Variants in MSANTD7 observed in about 807,000 individuals in gnomAD.
MSANTD7 encodes the protein zinc finger and SCAN domain containing 29.
At chr10:14,845,200 C>G in the MSANTD7 span, 2 of 985,362 alleles carry the variant, frequency 2.0e-6, no homozygotes, top group Non-Finnish European at 2.4e-6. Flanking sequence ...ACATTACTCT[C>G]TGTCATTAAA....
the MSANTD7 span, chr10:14,843,517 G>A: frequency 1.3e-6 from 2 of 1,550,664 alleles, no homozygotes; most frequent in Non-Finnish European, 1.7e-6. Context: ...CACTCCTGGG[G>A]TAGCCTCCAC....
the MSANTD7 span, among the ~76,000 whole-genome samples, chr10:14,839,027 G>A: frequency 6.6e-6 from 1 of 152,196 alleles, no homozygotes; most frequent in Admixed American, 6.5e-5. Context: ...CCGGAGGGGC[G>A]GGGAGGCTGC....
chr10:14,846,647 A>G, the MSANTD7 span: 1 of 946,652 alleles, frequency 1.1e-6, no homozygotes, highest in Non-Finnish European at 1.3e-6. Flanking sequence ...TGGGAAACTC[A>G]TAATTGTCCT....
At chr10:14,846,973 G>A in the MSANTD7 span, 59 of 985,366 alleles carry the variant, frequency 6.0e-5, no homozygotes, top group East Asian at 4.9e-3. Context: ...TCCTGGTGTG[G>A]ACAAATAAAG....
chr10:14,845,295 C>G, the MSANTD7 span: 1 of 985,336 alleles, frequency 1.0e-6, no homozygotes, highest in Non-Finnish European at 1.2e-6. Context: ...TTCCAATAAT[C>G]TAGAAGTTGG....
the MSANTD7 span, among the ~76,000 whole-genome samples, chr10:14,841,470 C>T: frequency 2.6e-5 from 4 of 152,126 alleles, no homozygotes; most frequent in African/African-American, 9.7e-5. Flanking sequence ...AAACACATTG[C>T]TGGATTCACC....
At chr10:14,838,453 C>T in the MSANTD7 span, 2 of 1,604,860 alleles carry the variant, frequency 1.2e-6, no homozygotes, top group Admixed American at 1.7e-5. Context: ...GTGTGGCCGT[C>T]TATAAGGTGA....
chr10:14,845,525 T>C, the MSANTD7 span: 24 of 985,062 alleles, frequency 2.4e-5, no homozygotes, highest in Non-Finnish European at 2.9e-5. Context: ...GGAATCTAGT[T>C]AGAATTCCTG....
the MSANTD7 span, chr10:14,844,453 C>G: frequency 2.3e-5 from 23 of 991,204 alleles, no homozygotes; most frequent in African/African-American, 4.0e-4. Flanking sequence ...AGTTTGAAAT[C>G]TTAATTTTTA....
chr10:14,841,823 G>A, the MSANTD7 span, among the ~76,000 whole-genome samples: 1 of 152,186 alleles, frequency 6.6e-6, no homozygotes, highest in Admixed American at 6.5e-5. Flanking sequence ...GTCATGCTTG[G>A]ACTCCTTTAG....
the MSANTD7 span, chr10:14,840,154 G>A: frequency 1.4e-6 from 2 of 1,385,838 alleles, no homozygotes; most frequent in Admixed American, 2.2e-5. Context: ...ATCCTGGGCA[G>A]AAGGTATGGA....
the MSANTD7 span, chr10:14,838,509 TC>T: frequency 6.5e-7 from 1 of 1,528,100 alleles, no homozygotes; most frequent in East Asian, 2.4e-5. Flanking sequence ...CACCCGGTTT[TC>T]TGGCGCTGGG....
chr10:14,843,546 C>T, the MSANTD7 span: 2 of 1,550,684 alleles, frequency 1.3e-6, no homozygotes, highest in Non-Finnish European at 1.7e-6. Flanking sequence ...CTCCAGTCTC[C>T]TCTTCGAGAG....
the MSANTD7 span, among the ~76,000 whole-genome samples, chr10:14,839,259 A>C: frequency 9.8e-3 from 1,497 of 152,350 alleles, 12 homozygotes; most frequent in South Asian, 0.034. Context: ...AAAGGGAATA[A>C]TACTACTTCA....
chr10:14,842,513 T>C, the MSANTD7 span: 1 of 1,536,158 alleles, frequency 6.5e-7, no homozygotes, highest in Non-Finnish European at 8.7e-7. The surrounding 1 kb of genome is among the most constrained non-coding windows in gnomAD (Gnocchi z 5.2). Context: ...TTTAAAGGCC[T>C]ATGTTGCCCA....
chr10:14,844,283 G>T, the MSANTD7 span: 9 of 1,076,076 alleles, frequency 8.4e-6, no homozygotes, highest in African/African-American at 1.0e-4. Context: ...ATGTGAAAGG[G>T]TTTAAAAGTT....
At chr10:14,843,803 G>C in the MSANTD7 span, 1 of 1,536,372 alleles carries the variant, frequency 6.5e-7, no homozygotes, top group East Asian at 2.4e-5. Flanking sequence ...GCAGTCAGAC[G>C]TTTGGCAACA....
At chr10:14,839,343 G>A in the MSANTD7 span, among the ~76,000 whole-genome samples, 1 of 152,350 alleles carries the variant, frequency 6.6e-6, no homozygotes, top group Admixed American at 6.5e-5. Flanking sequence ...GGAAGCCGAG[G>A]CAGGCGGATC....
chr10:14,838,484 G>A, the MSANTD7 span: 1 of 1,583,220 alleles, frequency 6.3e-7, no homozygotes, highest in Non-Finnish European at 8.6e-7. Flanking sequence ...AGCTGGGCTA[G>A]GGCTTCATGA....
Sources: allele counts gnomAD v4.1 joint callset (sites outside exome capture counted in the v4.1 genomes callset), GRCh38; gene constraint gnomAD v4.1.1; non-coding constraint Gnocchi (gnomAD v3.1); transcripts MANE v1.5; gene names NCBI Gene and HGNC (gene_info 2026-07-23, HGNC 2026-07-21).